TRPM6: variants seen among roughly 807,000 people sequenced by gnomAD.
TRPM6 encodes transient receptor potential cation channel subfamily M member 6.
Under a neutral mutation model 247.6 loss-of-function variants are expected in TRPM6, and 111 were observed. The ratio of observed to expected loss-of-function variants is 0.45; its 90% CI spans 0.38 to 0.52. TRPM6 has a LOEUF of 0.52. Ranked by LOEUF, TRPM6 falls within the 20% of genes least tolerant of loss-of-function variation. The probability of loss-of-function intolerance (pLI) is 0.00; values close to 1 mark genes in which losing one functional copy is unlikely to be tolerated. For missense variants in TRPM6, 2,126 were observed against 2,421.5 expected (o/e 0.88, Z 2.56); for synonymous variants, 892 against 853.8 (o/e 1.04, Z -0.78).
intron 7 of TRPM6, among the ~76,000 whole-genome samples, chr9:74,826,296 C>G (rs568043574): frequency 1.1e-4 from 16 of 152,186 alleles, no homozygotes; most frequent in Admixed American, 4.6e-4. Context: ...AAAATGACAG[C>G]GCTTCAATCT....
At position 74,840,023 on chromosome 9, in the gene TRPM6, C is replaced by T; in HGVS notation, c.544+1G>A. 1 of 1,611,130 alleles carries T rather than the reference C, an allele frequency of 6.2e-7. No homozygotes were observed. The highest frequency in any genetic ancestry group is 8.5e-7 in the Non-Finnish European group (1 of 1,177,492). On this transcript the variant is annotated splice_donor_variant, in intron 5 of 38. Coordinates refer to ENST00000360774, the MANE Select transcript of TRPM6 (RefSeq NM_017662.5). LOFTEE classifies it high-confidence loss of function. ...GGAGAAATGGAGGGAGGGAGCTTTA[C>T]CTGTATTGATGCCTTCAGTTATTAT...
intron 36 of TRPM6, among the ~76,000 whole-genome samples, chr9:74,738,200 C>G (rs1342748435): frequency 1.3e-5 from 2 of 152,128 alleles, no homozygotes; most frequent in Admixed American, 1.3e-4. Flanking sequence ...AATAGATAAT[C>G]ATCTGCCTAC....
At chr9:74,781,851 C>A (rs1001609224) in intron 23 of TRPM6, among the ~76,000 whole-genome samples, 2 of 152,198 alleles carry the variant, frequency 1.3e-5, no homozygotes, top group East Asian at 3.8e-4. Flanking sequence ...GCGGGTTCCA[C>A]ATCTGTGGAT....
chr9:74,826,648 C>T (rs1241515512), intron 7 of TRPM6: 1 of 152,612 alleles, frequency 6.6e-6, no homozygotes, highest in African/African-American at 2.4e-5. Context: ...CCAGATAAAA[C>T]TACCAAAATG....
At chr9:74,805,218 GTT>G (rs1424964685) in intron 14 of TRPM6, among the ~76,000 whole-genome samples, 2 of 152,180 alleles carry the variant, frequency 1.3e-5, no homozygotes, top group Non-Finnish European at 2.9e-5. Flanking sequence ...GCCTCTGTTA[GTT>G]TTTGATACTT....
intron 13 of TRPM6, among the ~76,000 whole-genome samples, chr9:74,810,351 A>G (rs1333516986): frequency 1.3e-5 from 2 of 152,302 alleles, no homozygotes; most frequent in South Asian, 4.1e-4. Context: ...CAGGGAGGGG[A>G]ACCACCTGAC....
At chr9:74,856,467 C>CTGTGTGTGTG (rs57338419) in intron 2 of TRPM6, among the ~76,000 whole-genome samples, 2,576 of 147,802 alleles carry the variant, frequency 0.017, 64 homozygotes, top group African/African-American at 0.059. Flanking sequence ...GTGTGTGTGT[C>CTGTGTGTGTG]TGTGTGTGTG....
Position 74,782,817 on chromosome 9 carries a change from T to C in TRPM6, c.2956A>G (p.Ile986Val). 6.2e-7 allele frequency: 1 copy of C among 1,614,206 alleles called. No individual in the cohort carries two copies. The highest frequency in any genetic ancestry group is 8.5e-7 in the Non-Finnish European group (1 of 1,180,040). ...NMFYIVIIMA[I>V]VLLSFGVARK... ...GCCACTCCAAAGCTCAGCAGGACTA[T>C]GGCCATGATGATCACAATATAGAAC... is the stretch of plus-strand genomic sequence containing the variant. Residue 986 changes from isoleucine to valine, a missense_variant, in exon 22 of 39, where the codon ATA becomes GTA. Physicochemically the swap from Ile to Val is conservative, Grantham distance 29. Around this residue, in one of 3 missense-constraint regions of TRPM6, gnomAD observed 1,082 missense variants for 1,307.9 expected, o/e 0.83. Transcript: ENST00000360774.
chr9:74,751,059 C>T (rs188264339), intron 29 of TRPM6, among the ~76,000 whole-genome samples: 50 of 152,278 alleles, frequency 3.3e-4, no homozygotes, highest in African/African-American at 1.2e-3. Context: ...TGAACATACA[C>T]AATCAGCTAA....
At chr9:74,821,439 A>G (rs1291649339) in intron 8 of TRPM6, among the ~76,000 whole-genome samples, 2 of 152,140 alleles carry the variant, frequency 1.3e-5, no homozygotes, top group Non-Finnish European at 2.9e-5. Flanking sequence ...TTCAAGCAAG[A>G]CTCAAGCTTC....
At position 74,827,879 on chromosome 9, in the gene TRPM6, T is replaced by C. The variant is rs963688592; in HGVS notation, c.740A>G (p.His247Arg). The change falls in exon 7 of 39, where the codon CAC (histidine) becomes CGC (arginine). Residue 247 changes from histidine to arginine, a missense_variant. Physicochemically the swap from His to Arg is conservative, Grantham distance 29. Transcript: ENST00000360774. ...KLTTLNSMHS[H>R]FILSDDGTVG... ...GGTCCCATCATCAGACAGGATGAAGTGCGAGTGCATGCTGTTGAGTGTTGT... is the reference window on the plus strand; with the variant it reads ...GGTCCCATCATCAGACAGGATGAAGCGCGAGTGCATGCTGTTGAGTGTTGT... 3.1e-6 allele frequency: 5 copies of C among 1,613,974 alleles called. No homozygotes were observed. Among genetic ancestry groups the C allele is most frequent in the African/African-American group, 1.3e-5 (1 of 74,878 alleles).
intron 5 of TRPM6, among the ~76,000 whole-genome samples, chr9:74,836,517 T>C (rs1010766550): frequency 1.1e-4 from 17 of 152,266 alleles, no homozygotes; most frequent in African/African-American, 3.6e-4. Flanking sequence ...TCCACCCCAG[T>C]AGAGATTCTG....
At chr9:74,810,723 T>C (rs1698258328) in intron 13 of TRPM6, 92 bp downstream of exon 13, 2 of 1,128,392 alleles carry the variant, frequency 1.8e-6, no homozygotes, top group Non-Finnish European at 2.7e-6. Flanking sequence ...ACAATCCAAA[T>C]CTGCATTTTA....
chr9:74,830,769 T>G (rs1211295631), intron 6 of TRPM6, among the ~76,000 whole-genome samples: 2 of 142,166 alleles, frequency 1.4e-5, no homozygotes, highest in South Asian at 2.3e-4. Flanking sequence ...TTTTTTTTTT[T>G]TTTTTTTTTG....
At chr9:74,858,592 G>A in intron 2 of TRPM6, 77 bp downstream of exon 2, 1 of 893,512 alleles carries the variant, frequency 1.1e-6, no homozygotes, top group Non-Finnish European at 1.8e-6. Context: ...TTCTAAACAA[G>A]TCATATTTCT....
At position 74,812,386 on chromosome 9, in the gene TRPM6, C is replaced by G; in HGVS notation, c.1356G>C (p.Arg452=). The change falls in exon 12 of 39, where the codon CGG becomes CGC. Residue 452 remains arginine, a synonymous_variant. Coordinates refer to ENST00000360774, the MANE Select transcript of TRPM6 (RefSeq NM_017662.5). Reference sequence around the variant, plus strand: ...CTATTAAGAGCTTCACAAAATCCACCCGATCCATCACTAAAGCATCTGACA... The same window carrying G: ...CTATTAAGAGCTTCACAAAATCCACGCGATCCATCACTAAAGCATCTGACA... ...QAMSDALVMD[R]VDFVKLLIEY... 3.1e-6 allele frequency: 5 copies of G among 1,614,014 alleles called. No homozygotes were observed. Among genetic ancestry groups the G allele is most frequent in the Non-Finnish European group, 4.2e-6 (5 of 1,179,976 alleles).
Position 74,833,866 on chromosome 9 carries a change from CA to C in TRPM6, c.669+131del, listed in dbSNP as rs199601782. On this transcript the variant is annotated intron_variant, in intron 6 of 38. Transcript: ENST00000360774. ...TTCTAAGACAGGGTGAGGGAAGCAG[CA>C]GAAAGTCAGGAGTTGGTAGTGAATA... 609 of 1,237,210 alleles carry C rather than the reference CA, an allele frequency of 4.9e-4. 4 individuals carry two copies. In the East Asian group the frequency reaches 0.011, roughly 23 times the overall value. 76.6% of individuals were successfully genotyped at this position (1,237,210 alleles called of 1,614,324 possible).
rs1430862847 is a variant in TRPM6, at chr9:74,832,459, T to C, written c.669+1539A>G. Among the ~76,000 whole-genome samples, 4 of 152,320 alleles carry C rather than the reference T, an allele frequency of 2.6e-5. No individual in the cohort carries two copies. In the South Asian group the frequency reaches 8.3e-4, roughly 32 times the overall value. On this transcript the variant is annotated intron_variant, in intron 6 of 38. Coordinates refer to ENST00000360774, the MANE Select transcript of TRPM6 (RefSeq NM_017662.5). ...CAATGAAAAACTTGACTAGACTGGA[T>C]AGTCAGTGATACTCAGAAATTCCTG...
intron 19 of TRPM6, among the ~76,000 whole-genome samples, chr9:74,789,556 A>G (rs1171184084): frequency 1.3e-5 from 2 of 152,196 alleles, no homozygotes; most frequent in Non-Finnish European, 2.9e-5. Context: ...AAATTTTCTG[A>G]CAGAAGGGCT....
Sources: gnomAD v4.1 joint callset for allele counts (sites outside exome capture counted in the v4.1 genomes callset) on GRCh38, gnomAD v4.1.1 for gene constraint, gnomAD v4.1.1 regional missense constraint, MANE v1.5 for transcripts, NCBI Gene and HGNC (gene_info 2026-07-23, HGNC 2026-07-21) for gene names.